MED27: variants seen among roughly 807,000 people sequenced by gnomAD.
MED27 encodes mediator complex subunit 27.
Under a neutral mutation model 38.2 loss-of-function variants are expected in MED27, and 30 were observed. The observed-to-expected ratio is 0.79, with a 90% confidence interval of 0.59 to 1.07. The LOEUF is 1.07. Among genes scored for constraint, MED27 ranks in the 50% least tolerant of loss-of-function variants. MED27 has a pLI of 0.00. For synonymous variants in MED27, 122 were observed against 153.5 expected (o/e 0.79, Z 1.52); for missense variants, 289 against 397.5 (o/e 0.73, Z 2.32).
At chr9:132,029,146 C>A (rs1191569320) in intron 2 of MED27, among the ~76,000 whole-genome samples, 2 of 152,146 alleles carry the variant, frequency 1.3e-5, no homozygotes, top group Non-Finnish European at 2.9e-5. Context: ...CCATTTCATG[C>A]ATGTATTGTT....
In MED27 at chr9:131,883,775, C is replaced by T. The variant is rs1476772640; in HGVS notation, c.723+283G>A. ...AAACATGTACGGCTGTGTAACACCG[C>T]CACAATTAAGATAAAGAATATTCCC... On this transcript the variant is annotated intron_variant, in intron 6 of 7. Coordinates refer to ENST00000292035, the MANE Select transcript of MED27 (RefSeq NM_004269.4). This position sits in a 1 kb window ranked among gnomAD's most constrained non-coding sequence, Gnocchi z 4.2. Among the ~76,000 whole-genome samples the T allele has an allele frequency of 6.6e-6, 1 of 152,172 alleles. No homozygotes were observed. The highest frequency in any genetic ancestry group is 1.5e-5 in the Non-Finnish European group (1 of 68,038).
intron 4 of MED27, among the ~76,000 whole-genome samples, chr9:131,921,820 C>T (rs1317971533): frequency 2.6e-5 from 4 of 152,204 alleles, no homozygotes; most frequent in Non-Finnish European, 4.4e-5. Context: ...GGTACATACA[C>T]ACCATGGAAT....
intron 6 of MED27, chr9:131,869,430 C>T: frequency 2.0e-6 from 2 of 979,576 alleles, no homozygotes; most frequent in Non-Finnish European, 2.4e-6. Flanking sequence ...TAATTTAAAT[C>T]CACTCTGTGG....
chr9:132,032,876 A>T (rs1018497644), intron 2 of MED27, among the ~76,000 whole-genome samples: 3 of 152,200 alleles, frequency 2.0e-5, no homozygotes, highest in Admixed American at 1.3e-4. Context: ...GCCTCTCTCT[A>T]GGTCTATAAT....
At chr9:132,042,704 C>T (rs547492266) in intron 2 of MED27, among the ~76,000 whole-genome samples, 145 of 152,334 alleles carry the variant, frequency 9.5e-4, no homozygotes, top group Non-Finnish European at 1.7e-3. Flanking sequence ...CACTGGGCTT[C>T]ACTTTTAATC....
Position 131,959,268 on chromosome 9 carries a change from C to A in MED27, c.480-19794G>T, listed in dbSNP as rs1354320251. 2.3e-5 allele frequency among the ~76,000 whole-genome samples: 3 copies of A among 130,598 alleles called. No individual in the cohort carries two copies. In the Admixed American group the frequency reaches 2.5e-4, roughly 11 times the overall value. 85.7% of individuals were successfully genotyped at this position (130,598 alleles called of 152,430 possible). ...ATAAGGTGGCTGTGAAGACTAAATGCGTAAGGCATGGAAGGAGCCTGGCAC... is the reference window on the plus strand; with the variant it reads ...ATAAGGTGGCTGTGAAGACTAAATGAGTAAGGCATGGAAGGAGCCTGGCAC... On this transcript the variant is annotated intron_variant, in intron 3 of 7. Coordinates refer to ENST00000292035, the MANE Select transcript of MED27 (RefSeq NM_004269.4).
intron 2 of MED27, among the ~76,000 whole-genome samples, chr9:132,066,437 A>G (rs1833811137): frequency 6.6e-6 from 1 of 152,230 alleles, no homozygotes; most frequent in Non-Finnish European, 1.5e-5. Flanking sequence ...GGTTGAAACA[A>G]GTTTGGCAAC....
intron 2 of MED27, among the ~76,000 whole-genome samples, chr9:132,063,215 G>A (rs1833736776): frequency 6.6e-6 from 1 of 152,142 alleles, no homozygotes; most frequent in Admixed American, 6.5e-5. Flanking sequence ...CTTATGGGAG[G>A]CCTATAATAG....
chr9:131,904,364 TA>T (rs919871167), intron 4 of MED27, among the ~76,000 whole-genome samples: 1 of 152,030 alleles, frequency 6.6e-6, no homozygotes, highest in Non-Finnish European at 1.5e-5. Context: ...TAAAAATTAT[TA>T]AACACCCTGC....
At chr9:131,901,999 A>T (rs1478201668) in intron 4 of MED27, among the ~76,000 whole-genome samples, 1 of 151,914 alleles carries the variant, frequency 6.6e-6, no homozygotes, top group Non-Finnish European at 1.5e-5. Flanking sequence ...CTGGCCCATG[A>T]CCCCACATCC....
intron 4 of MED27, among the ~76,000 whole-genome samples, chr9:131,895,986 T>A (rs1009331407): frequency 1.3e-5 from 2 of 151,256 alleles, no homozygotes; most frequent in African/African-American, 4.9e-5. Flanking sequence ...GCAACGTCCA[T>A]CTCCCAGGTT....
In MED27 at chr9:131,917,569, A is replaced by G. The variant is rs58897897; in HGVS notation, c.573+21812T>C. Among the ~76,000 whole-genome samples the G allele has an allele frequency of 0.052, 7,836 of 152,114 alleles. 412 individuals are homozygous for G. The highest frequency in any genetic ancestry group is 0.14 in the African/African-American group (5,701 of 41,466). On this transcript the variant is annotated intron_variant, in intron 4 of 7. Coordinates refer to ENST00000292035, the MANE Select transcript of MED27 (RefSeq NM_004269.4). This position sits in a 1 kb window ranked among gnomAD's most constrained non-coding sequence, Gnocchi z 4.6. The stretch of plus-strand genomic sequence containing the variant: ...AGCAGTGAAGATGGGGTGGGGGGCT[A>G]GTGTGCAGGGACGAGGTAGGCTGAT...
At position 132,044,507 on chromosome 9, in the gene MED27, C is replaced by T. The variant is rs145823221; in HGVS notation, c.349-30040G>A. ...AGATGCTCTGTCCTAAGGGGCAACACGAACAGAAGGTGAAGACGAGGCCGA... is the reference window on the plus strand; with the variant it reads ...AGATGCTCTGTCCTAAGGGGCAACATGAACAGAAGGTGAAGACGAGGCCGA... On this transcript the variant is annotated intron_variant, in intron 2 of 7. Transcript: ENST00000292035. 2.6e-3 allele frequency among the ~76,000 whole-genome samples: 391 copies of T among 152,314 alleles called. 1 individual carries two copies. Among genetic ancestry groups the T allele is most frequent in the Non-Finnish European group, 3.9e-3 (267 of 68,022 alleles).
intron 3 of MED27, among the ~76,000 whole-genome samples, chr9:131,954,001 G>A (rs1039547264): frequency 2.0e-5 from 3 of 151,908 alleles, no homozygotes; most frequent in East Asian, 1.9e-4. Flanking sequence ...ACAGGGTTTC[G>A]CCATGTTGGC....
intron 4 of MED27, among the ~76,000 whole-genome samples, chr9:131,919,900 C>T (rs1357864398): frequency 3.3e-5 from 5 of 151,642 alleles, no homozygotes; most frequent in South Asian, 2.1e-4. Flanking sequence ...CCTCCACCTC[C>T]GGGGCTCAGG....
chr9:131,890,985 G>A (rs1839219874), intron 5 of MED27, among the ~76,000 whole-genome samples: 1 of 152,206 alleles, frequency 6.6e-6, no homozygotes. Context: ...TCTAGTACTA[G>A]GAAAAGATTG....
chr9:131,980,776 G>A (rs1158776614), intron 3 of MED27, among the ~76,000 whole-genome samples: 2 of 151,458 alleles, frequency 1.3e-5, no homozygotes, highest in African/African-American at 2.4e-5. Flanking sequence ...AAAATGTCAC[G>A]CTTTAACCAC....
intron 2 of MED27, among the ~76,000 whole-genome samples, chr9:132,060,537 C>G (rs539165643): frequency 6.6e-6 from 1 of 152,238 alleles, no homozygotes; most frequent in African/African-American, 2.4e-5. Flanking sequence ...GGCTCCATTT[C>G]TATAGAAGCT....
chr9:131,876,610 C>CGGCTCTCA (rs1564264451), intron 6 of MED27, among the ~76,000 whole-genome samples: 1 of 152,138 alleles, frequency 6.6e-6, no homozygotes, highest in African/African-American at 2.4e-5. Context: ...ACCCTCCCTG[C>CGGCTCTCA]GGCTCTCAGC....
Sources: allele counts gnomAD v4.1 joint callset (sites outside exome capture counted in the v4.1 genomes callset), GRCh38; gene constraint gnomAD v4.1.1; non-coding constraint Gnocchi (gnomAD v3.1); transcripts MANE v1.5; gene names NCBI Gene and HGNC (gene_info 2026-07-23, HGNC 2026-07-21).